Variants in ZNF254 observed in about 807,000 individuals in gnomAD.
ZNF254 encodes the protein zinc finger protein 254.
ZNF254 carries 10 observed loss-of-function variants against 12.4 expected under a neutral mutation model. The observed-to-expected ratio is 0.80, with a 90% CI of 0.50 to 1.36. The LOEUF (loss-of-function observed/expected upper bound fraction) is 1.36, where lower values mean the gene tolerates loss of function less well. Ranked by LOEUF, ZNF254 falls within the 40% of genes most tolerant of loss-of-function variation. The probability of loss-of-function intolerance (pLI) is 0.00; values close to 1 mark genes in which losing one functional copy is unlikely to be tolerated. For synonymous variants in ZNF254, 305 were observed against 253.4 expected (o/e 1.20, Z -1.93); for missense variants, 996 against 763.9 (o/e 1.30, Z -3.58).
At chr19:24,084,583 A>T (rs1267742738), upstream of ZNF254, among the ~76,000 whole-genome samples, 1 of 151,980 alleles carries the variant, frequency 6.6e-6, no homozygotes, top group African/African-American at 2.4e-5. Context: ...ACAAAAAATA[A>T]TCCCAAACCC....
Position 24,128,173 on chromosome 19 carries a change from G to T in ZNF254, c.*193G>T. On this transcript the variant is annotated 3_prime_UTR_variant, in exon 4 of 4. Coordinates refer to ENST00000357002, the MANE Select transcript of ZNF254 (RefSeq NM_203282.4). ...AAGCCTTTAAATGATTGTCACACTT[G>T]ATTGTAGGTAAGATAATTCATACTG... is the stretch of plus-strand genomic sequence containing the variant. The T allele has an allele frequency of 1.8e-6, 1 of 563,632 alleles. No individual in the cohort carries two copies. The highest frequency in any genetic ancestry group is 5.1e-4 in the Middle Eastern group (1 of 1,968). The allele number at this position is 563,632 out of a possible 1,614,324, so 34.9% of individuals were successfully genotyped here. A position where few individuals can be genotyped will look rare whatever the true frequency, so the allele number is the denominator to read the frequency against.
intron 2 of ZNF254, 184 bp downstream of exon 2, chr19:24,106,250 T>TA: frequency 3.7e-6 from 3 of 807,082 alleles, no homozygotes; most frequent in Non-Finnish European, 5.3e-6. Context: ...ATTCCTGAGC[T>TA]AATCTGTGTC....
rs563938009 is a variant in ZNF254, at chr19:24,075,603, G to A, written c.-94+29324G>A. On this transcript the variant is annotated intron_variant, in intron 2 of 4. Transcript: ENST00000613065. ...ATAAAATATCACAAGGCAAATGGGG[G>A]CAGAGCAAGATCACAAGGCCAGGGT... Among the ~76,000 whole-genome samples the A allele has an allele frequency of 2.0e-5, 3 of 152,284 alleles. No homozygotes were observed. The East Asian group carries it at 5.8e-4, about 29-fold the overall frequency.
chr19:24,116,229 C>A (rs961311523), intron 3 of ZNF254, among the ~76,000 whole-genome samples: 3 of 152,058 alleles, frequency 2.0e-5, no homozygotes, highest in Non-Finnish European at 2.9e-5. Context: ...TTTCCTGAAT[C>A]TGAATGTTGG....
At chr19:24,078,479 A>G (rs1392491582) in intron 2 of ZNF254, 2 of 152,182 alleles carry the variant, frequency 1.3e-5, no homozygotes, top group Admixed American at 1.3e-4. Flanking sequence ...CTTTTTCAAA[A>G]AGACTCACTT....
chr19:24,084,178 ATATAT>A (rs1487393680), upstream of ZNF254, among the ~76,000 whole-genome samples: 3 of 147,720 alleles, frequency 2.0e-5, no homozygotes, highest in African/African-American at 7.4e-5. Flanking sequence ...ATAATATATA[ATATAT>A]TTATAATAAT....
In ZNF254 at chr19:24,128,796, A is replaced by T. The variant is rs1023639583; in HGVS notation, c.*816A>T. On this transcript the variant is annotated 3_prime_UTR_variant, in exon 4 of 4. Transcript: ENST00000357002. ...ATTACACTAAATCAGAGTGCTGAGTATAGAAAATAATACAAACAGATTTGT... is the reference window on the plus strand; with the variant it reads ...ATTACACTAAATCAGAGTGCTGAGTTTAGAAAATAATACAAACAGATTTGT... 1 of 152,094 alleles carries T rather than the reference A, an allele frequency of 6.6e-6. No homozygotes were observed. The highest frequency in any genetic ancestry group is 1.5e-5 in the Non-Finnish European group (1 of 67,950). The allele number at this position is 152,094 out of a possible 1,614,324, so 9.4% of individuals were successfully genotyped here. A position where few individuals can be genotyped will look rare whatever the true frequency, so the allele number is the denominator to read the frequency against.
chr19:24,034,488 GTT>G (rs963358053), intron 1 of ZNF254, among the ~76,000 whole-genome samples: 3,076 of 107,208 alleles, frequency 0.029, 61 homozygotes, highest in African/African-American at 0.098. Flanking sequence ...AGGTAAGTGG[GTT>G]TTTTTTTTTT....
intron 1 of ZNF254, among the ~76,000 whole-genome samples, chr19:24,035,659 G>A (rs979903034): frequency 2.6e-5 from 4 of 152,064 alleles, no homozygotes; most frequent in African/African-American, 9.7e-5. Context: ...GTGACAGAGC[G>A]AGACTCGGTC....
At chr19:24,078,446 ATAACT>A (rs1316958659) in intron 2 of ZNF254, 1 of 152,222 alleles carries the variant, frequency 6.6e-6, no homozygotes, top group African/African-American at 2.4e-5. Flanking sequence ...TTCTTGGTAA[ATAACT>A]TAGGAACTGC....
At chr19:24,051,931 A>G (rs1225728302) in intron 2 of ZNF254, among the ~76,000 whole-genome samples, 1 of 152,184 alleles carries the variant, frequency 6.6e-6, no homozygotes, top group African/African-American at 2.4e-5. Flanking sequence ...CTGTACTCAC[A>G]GAGAGCATTT....
At chr19:24,082,133 A>G (rs2145583839) in intron 2 of ZNF254, among the ~76,000 whole-genome samples, 1 of 152,112 alleles carries the variant, frequency 6.6e-6, no homozygotes, top group Non-Finnish European at 1.5e-5. Flanking sequence ...CAAAAGAAAA[A>G]AAAAAAAAGA....
At chr19:24,122,937 C>T (rs1397319583) in intron 3 of ZNF254, among the ~76,000 whole-genome samples, 1 of 152,130 alleles carries the variant, frequency 6.6e-6, no homozygotes, top group African/African-American at 2.4e-5. Context: ...AATTCTGTAG[C>T]TTTGTAGTGT....
At chr19:24,119,322 G>A (rs1334198965) in intron 3 of ZNF254, among the ~76,000 whole-genome samples, 3 of 151,850 alleles carry the variant, frequency 2.0e-5, no homozygotes, top group African/African-American at 7.3e-5. Flanking sequence ...CTCCCAAGCA[G>A]CTGGGACTAC....
intron 3 of ZNF254, among the ~76,000 whole-genome samples, chr19:24,112,539 G>A (rs1474401843): frequency 1.3e-5 from 2 of 150,084 alleles, no homozygotes; most frequent in African/African-American, 2.5e-5. Flanking sequence ...ATTACCTTGG[G>A]CAGTATGGCC....
chr19:24,116,381 G>A (rs1315240998), intron 3 of ZNF254, among the ~76,000 whole-genome samples: 1 of 152,030 alleles, frequency 6.6e-6, no homozygotes, highest in East Asian at 1.9e-4. Context: ...ATTTCTTGGA[G>A]GCTTTTTTCA....
intron 1 of ZNF254, among the ~76,000 whole-genome samples, chr19:24,040,896 CTG>C (rs1387840306): frequency 6.6e-6 from 1 of 152,234 alleles, no homozygotes; most frequent in Non-Finnish European, 1.5e-5. Flanking sequence ...GTAAGGGACT[CTG>C]TGTGCTATAC....
intron 3 of ZNF254, among the ~76,000 whole-genome samples, chr19:24,117,992 A>G (rs986878258): frequency 1.3e-5 from 2 of 151,958 alleles, no homozygotes; most frequent in African/African-American, 4.8e-5. Flanking sequence ...TTTATAACAT[A>G]ATAAAATAGT....
intron 1 of ZNF254, chr19:24,105,354 C>CT (rs1331573949): frequency 4.5e-6 from 1 of 221,020 alleles, no homozygotes; most frequent in African/African-American, 2.4e-5. Context: ...GCTAGAAAAA[C>CT]TAAAAAAAAA....
Sources: gnomAD v4.1 joint callset for allele counts (sites outside exome capture counted in the v4.1 genomes callset) on GRCh38, gnomAD v4.1.1 for gene constraint, MANE v1.5 for transcripts, NCBI Gene and HGNC (gene_info 2026-07-23, HGNC 2026-07-21) for gene names.